The following CSRNP3 variants were observed in gnomAD, a reference collection of about 807,000 sequenced individuals.
CSRNP3 encodes the protein cysteine and serine rich nuclear protein 3.
A neutral mutation model predicts 48.0 loss-of-function variants in CSRNP3; 12 were observed. The ratio of observed to expected loss-of-function variants is 0.25; its 90% CI spans 0.16 to 0.41. The LOEUF is 0.41. Ranked by LOEUF, CSRNP3 falls within the 10% of genes least tolerant of loss-of-function variation. The pLI, the probability that CSRNP3 is intolerant of heterozygous loss-of-function variation, is 1.00. For missense variants in CSRNP3, 580 were observed against 724.4 expected (o/e 0.80, Z 2.29); for synonymous variants, 263 against 269.7 (o/e 0.98, Z 0.24).
intron 3 of CSRNP3, among the ~76,000 whole-genome samples, chr2:165,593,726 G>A (rs1455509506): frequency 4.6e-5 from 7 of 152,050 alleles, no homozygotes; most frequent in Non-Finnish European, 5.9e-5. Flanking sequence ...ATACTCTGGC[G>A]GAAAAAGGAG....
At chr2:165,619,416 T>G (rs1208317154) in intron 4 of CSRNP3, among the ~76,000 whole-genome samples, 1 of 152,130 alleles carries the variant, frequency 6.6e-6, no homozygotes, top group Non-Finnish European at 1.5e-5. Flanking sequence ...ATTTTATTAG[T>G]GGTGAGGCTA....
At chr2:165,626,545 A>T (rs1453393544) in intron 4 of CSRNP3, among the ~76,000 whole-genome samples, 4 of 152,318 alleles carry the variant, frequency 2.6e-5, no homozygotes, top group Middle Eastern at 6.8e-3. Context: ...AAAGCATGAG[A>T]TAAATATTTG....
chr2:165,624,488 A>G (rs1392496881), intron 4 of CSRNP3, among the ~76,000 whole-genome samples: 1 of 152,090 alleles, frequency 6.6e-6, no homozygotes, highest in Non-Finnish European at 1.5e-5. Context: ...AATTACTACA[A>G]ATATCCTGTG....
At chr2:165,541,060 T>G (rs759323936) in intron 3 of CSRNP3, among the ~76,000 whole-genome samples, 1 of 151,962 alleles carries the variant, frequency 6.6e-6, no homozygotes, top group Non-Finnish European at 1.5e-5. Context: ...GAGTCAATAT[T>G]TTATATACCA....
chr2:165,534,673 A>G (rs1044645665), intron 3 of CSRNP3, among the ~76,000 whole-genome samples: 1 of 151,874 alleles, frequency 6.6e-6, no homozygotes, highest in Non-Finnish European at 1.5e-5. Flanking sequence ...CTTTAATAAA[A>G]AAATAAAGTG....
intron 4 of CSRNP3, among the ~76,000 whole-genome samples, chr2:165,653,097 C>T (rs1349431832): frequency 5.3e-5 from 8 of 152,114 alleles, no homozygotes; most frequent in African/African-American, 2.4e-5. Context: ...TTTTTTATGA[C>T]TTCATTTTGT....
intron 3 of CSRNP3, among the ~76,000 whole-genome samples, chr2:165,592,425 C>A (rs566047750): frequency 6.6e-6 from 1 of 152,048 alleles, no homozygotes; most frequent in East Asian, 1.9e-4. Flanking sequence ...CTTAGGGGGG[C>A]CGTTGGAAAG....
At chr2:165,601,732 C>T (rs1461348792) in intron 4 of CSRNP3, among the ~76,000 whole-genome samples, 1 of 151,882 alleles carries the variant, frequency 6.6e-6, no homozygotes, top group African/African-American at 2.4e-5. Context: ...CATAAATATG[C>T]CATCATGTGC....
At chr2:165,516,273 T>C (rs1574815509) in intron 2 of CSRNP3, among the ~76,000 whole-genome samples, 1 of 152,278 alleles carries the variant, frequency 6.6e-6, no homozygotes, top group Admixed American at 6.5e-5. Context: ...TAGATGTTGC[T>C]CAAAATAAGT....
In CSRNP3 at chr2:165,683,238, A is replaced by G. The variant is rs559947934; in HGVS notation, c.*3485A>G. ...TATAGTTACTTTTTGAAAGCCCATCATTTCTTTGTGATAAAACCATTTTCT... is the reference window on the plus strand; with the variant it reads ...TATAGTTACTTTTTGAAAGCCCATCGTTTCTTTGTGATAAAACCATTTTCT... On this transcript the variant is annotated 3_prime_UTR_variant, in exon 7 of 7. Coordinates refer to ENST00000651982, the MANE Select transcript of CSRNP3 (RefSeq NM_001172173.2). The G allele has an allele frequency of 6.6e-6, 1 of 152,174 alleles. No individual in the cohort carries two copies. Among genetic ancestry groups the G allele is most frequent in the East Asian group, 1.9e-4 (1 of 5,178 alleles). The allele number at this position is 152,174 out of a possible 1,614,324, so 9.4% of individuals were successfully genotyped here. A position where few individuals can be genotyped will look rare whatever the true frequency, so the allele number is the denominator to read the frequency against.
At chr2:165,574,775 T>C (rs1685421818) in intron 3 of CSRNP3, among the ~76,000 whole-genome samples, 1 of 152,198 alleles carries the variant, frequency 6.6e-6, no homozygotes, top group African/African-American at 2.4e-5. Context: ...TAAAGAAATG[T>C]ATTTAAAATA....
At chr2:165,661,963 T>G (rs1687104344) in intron 5 of CSRNP3, among the ~76,000 whole-genome samples, 1 of 152,168 alleles carries the variant, frequency 6.6e-6, no homozygotes. Context: ...CTCTTTCCAC[T>G]GTCCCTCTGT....
At position 165,555,042 on chromosome 2, in the gene CSRNP3, A is replaced by T. The variant is rs1685144236; in HGVS notation, c.-24+37081A>T. Among the ~76,000 whole-genome samples the T allele has an allele frequency of 5.9e-5, 9 of 151,596 alleles. No individual in the cohort carries two copies. The South Asian group carries it at 1.9e-3, about 32-fold the overall frequency. On this transcript the variant is annotated intron_variant, in intron 3 of 6. Coordinates refer to ENST00000651982, the MANE Select transcript of CSRNP3 (RefSeq NM_001172173.2). ...ATTTCTTCTTTCTGGAATTCTCTCT[A>T]CCCCAGATATTCTCTTGGCTTACCT...
chr2:165,617,555 A>G (rs1686268832), intron 4 of CSRNP3, among the ~76,000 whole-genome samples: 1 of 152,162 alleles, frequency 6.6e-6, no homozygotes, highest in African/African-American at 2.4e-5. Context: ...ACATGTGTGG[A>G]CACTGGCTGT....
chr2:165,578,530 G>A (rs1685489651), intron 3 of CSRNP3, among the ~76,000 whole-genome samples: 1 of 152,008 alleles, frequency 6.6e-6, no homozygotes, highest in African/African-American at 2.4e-5. Context: ...CATGAACCTA[G>A]TATCAAAAGA....
chr2:165,472,402 G>C (rs920340477), intron 1 of CSRNP3, among the ~76,000 whole-genome samples: 1 of 151,738 alleles, frequency 6.6e-6, no homozygotes, highest in African/African-American at 2.4e-5. Context: ...ATAAATCACT[G>C]TAAATGCACA....
At chr2:165,674,659 CATATATATATAAATACTTCTGAAT>C (rs1687389115) in intron 5 of CSRNP3, among the ~76,000 whole-genome samples, 2 of 114,074 alleles carry the variant, frequency 1.8e-5, no homozygotes, top group African/African-American at 7.5e-5. Flanking sequence ...ATAAAGTATT[CATATATATATAAATACTTCTGAAT>C]ATATATATAT....
chr2:165,534,728 G>A (rs1009099906), intron 3 of CSRNP3, among the ~76,000 whole-genome samples: 55 of 151,608 alleles, frequency 3.6e-4, no homozygotes, highest in African/African-American at 1.3e-3. Flanking sequence ...TAAATATTAA[G>A]TGAAAAAAGA....
intron 4 of CSRNP3, among the ~76,000 whole-genome samples, chr2:165,647,909 T>G (rs1686839865): frequency 6.6e-6 from 1 of 152,136 alleles, no homozygotes; most frequent in Non-Finnish European, 1.5e-5. Context: ...CTTAACAATA[T>G]TTTCAACTTA....
Sources: allele counts gnomAD v4.1 joint callset (sites outside exome capture counted in the v4.1 genomes callset), GRCh38; gene constraint gnomAD v4.1.1; transcripts MANE v1.5; gene names NCBI Gene and HGNC (gene_info 2026-07-23, HGNC 2026-07-21).